The following PACRGL variants were observed in gnomAD, a reference collection of about 807,000 sequenced individuals.
PACRGL encodes parkin coregulated like.
PACRGL carries 38 observed loss-of-function variants against 34.5 expected under a neutral mutation model. That is an observed-to-expected ratio of 1.10 (90% CI 0.85 to 1.44). The LOEUF is 1.44. PACRGL is among the 40% of genes most tolerant of loss of function. PACRGL has a pLI of 0.00. For missense variants in PACRGL, 305 were observed against 281.4 expected, an observed-to-expected ratio of 1.08 and a Z score of -0.60; for synonymous variants, 128 against 100.1, an observed-to-expected ratio of 1.28 and a Z score of -1.66.
In PACRGL at chr4:20,704,603, G is replaced by A. The variant is rs771592819; in HGVS notation, c.53-57G>A. 5.6e-6 allele frequency: 9 copies of A among 1,613,056 alleles called. No individual in the cohort carries two copies. The Admixed American group carries it at 1.2e-4, about 21-fold the overall frequency. On this transcript the variant is annotated intron_variant, in intron 2 of 8. Transcript: ENST00000503585. ...GGCACTTTCTGTGCTACAGATGGAT[G>A]CAGGGTGAACTTTATTGCTTGTACC... is the stretch of plus-strand genomic sequence containing the variant.
chr4:20,717,018 T>C (rs1167460615), intron 7 of PACRGL, among the ~76,000 whole-genome samples: 14 of 152,188 alleles, frequency 9.2e-5, no homozygotes, highest in Admixed American at 5.2e-4. Context: ...TTTTTAATGA[T>C]TGCCATTCTA....
chr4:20,767,002 AT>A, the PACRGL span: 1 of 152,202 alleles, frequency 6.6e-6, no homozygotes, highest in African/African-American at 2.4e-5. Flanking sequence ...TACACATATT[AT>A]GCTATTATCC....
chr4:20,749,761 A>T (rs1229516609), intron 8 of PACRGL: 1 of 1,493,670 alleles, frequency 6.7e-7, no homozygotes, highest in Non-Finnish European at 9.3e-7. Flanking sequence ...AGTATCATTA[A>T]GTCAGTGTTT....
At chr4:20,738,957 GA>G (rs757262755) in intron 8 of PACRGL, among the ~76,000 whole-genome samples, 65 of 152,324 alleles carry the variant, frequency 4.3e-4, no homozygotes, top group Middle Eastern at 3.4e-3. Context: ...ACCTGGCTCA[GA>G]GTGGCCCACA....
chr4:20,763,084 C>G, the PACRGL span, among the ~76,000 whole-genome samples: 1 of 152,114 alleles, frequency 6.6e-6, no homozygotes, highest in African/African-American at 2.4e-5. Flanking sequence ...TCCACCTGCT[C>G]TCTCCCTTGA....
rs1385830553 is a variant in PACRGL at position 20,730,727 on chromosome 4, C to T, written c.*3386C>T. Reference sequence around the variant, plus strand: ...AGAGAAAGAATTGGGGAGCAGAAACCACTGCTCAGTGGCTGTGTTCAGTTT... The same window carrying T: ...AGAGAAAGAATTGGGGAGCAGAAACTACTGCTCAGTGGCTGTGTTCAGTTT... On this transcript the variant is annotated 3_prime_UTR_variant, in exon 9 of 9. Transcript: ENST00000503585. Among the ~76,000 whole-genome samples the T allele has an allele frequency of 6.6e-6, 1 of 152,112 alleles. No homozygotes were observed. Among genetic ancestry groups the T allele is most frequent in the African/African-American group, 2.4e-5 (1 of 41,432 alleles).
intron 8 of PACRGL, among the ~76,000 whole-genome samples, chr4:20,737,930 G>T (rs969859987): frequency 7.9e-5 from 12 of 152,194 alleles, no homozygotes; most frequent in Admixed American, 1.3e-4. Context: ...CCAAGAGTTT[G>T]CAAGCAGCCT....
At chr4:20,704,316 CATT>C (rs1733576891) in intron 1 of PACRGL, 147 bp from the exon 2 acceptor site, 1 of 623,150 alleles carries the variant, frequency 1.6e-6, no homozygotes. Flanking sequence ...CATGTTTTCT[CATT>C]AGTCTTTTCC....
intron 7 of PACRGL, among the ~76,000 whole-genome samples, chr4:20,722,253 C>T (rs971329022): frequency 1.3e-5 from 2 of 152,242 alleles, no homozygotes; most frequent in Non-Finnish European, 1.5e-5. Flanking sequence ...AAAGGGAATT[C>T]CCTGATCCCT....
Position 20,729,032 on chromosome 4 carries a change from C to T in PACRGL, c.*1691C>T, listed in dbSNP as rs1173439619. On this transcript the variant is annotated 3_prime_UTR_variant, in exon 9 of 9. Coordinates refer to ENST00000503585, the MANE Select transcript of PACRGL (RefSeq NM_001258345.3). ...AGTAGTTGTCAATGTAATGGAACCA[C>T]TGGTGCTTTCAAAGTGAATTTTGCT... is the stretch of plus-strand genomic sequence containing the variant. 1 of 152,136 alleles carries T rather than the reference C, an allele frequency of 6.6e-6. No homozygotes were observed. The highest frequency in any genetic ancestry group is 1.5e-5 in the Non-Finnish European group (1 of 68,030). The allele number at this position is 152,136 out of a possible 1,614,324, so 9.4% of individuals were successfully genotyped here.
intron 8 of PACRGL, among the ~76,000 whole-genome samples, chr4:20,739,458 G>C (rs545869302): frequency 1.3e-5 from 2 of 152,318 alleles, no homozygotes; most frequent in African/African-American, 4.8e-5. Context: ...AACAGGGTCT[G>C]GAGTGGACCT....
chr4:20,716,078 C>G lies in PACRGL; in HGVS notation c.609+2539C>G, dbSNP rs115364879. On this transcript the variant is annotated intron_variant, in intron 7 of 8. Transcript: ENST00000503585. ...AGAGACCTTTTCCTGATATGTATAA[C>G]TTTAATCTTTAATATAAATATTTAC... 642 of 1,516,094 alleles carry G rather than the reference C, an allele frequency of 4.2e-4. 4 individuals carry two copies. The African/African-American group carries it at 8.3e-3, about 20-fold the overall frequency. 93.9% of individuals were successfully genotyped at this position (1,516,094 alleles called of 1,614,324 possible).
At chr4:20,724,682 T>C (rs1744866290) in intron 7 of PACRGL, 126 bp from the exon 8 acceptor site, 1 of 437,976 alleles carries the variant, frequency 2.3e-6, no homozygotes, top group South Asian at 7.5e-5. Context: ...TAAATTTCAA[T>C]GAGATGCTTC....
intron 7 of PACRGL, among the ~76,000 whole-genome samples, chr4:20,715,930 G>C (rs920411945): frequency 7.9e-5 from 12 of 152,156 alleles, no homozygotes; most frequent in African/African-American, 2.9e-4. Context: ...TGCTCATGTT[G>C]ATTAACTATG....
chr4:20,704,588 G>C (rs1733700864), intron 2 of PACRGL, 55 bp downstream of exon 2: 1 of 1,613,082 alleles, frequency 6.2e-7, no homozygotes. Flanking sequence ...GGCACTTTCT[G>C]TGCTACAGAT....
At chr4:20,722,453 G>A (rs568016666) in intron 7 of PACRGL, among the ~76,000 whole-genome samples, 6 of 152,274 alleles carry the variant, frequency 3.9e-5, no homozygotes, top group South Asian at 4.1e-4. Flanking sequence ...CTTCCTATTC[G>A]GCCATCTTGG....
chr4:20,709,223 G>A lies in PACRGL; in HGVS notation c.276-460G>A, dbSNP rs1399149184. 2.0e-5 allele frequency among the ~76,000 whole-genome samples: 3 copies of A among 152,126 alleles called. No homozygotes were observed. In the East Asian group the frequency reaches 5.8e-4, roughly 29 times the overall value. ...CTAAATGGGCCATTTTACCTTCCTGGCCTCAGTTTTCTTCTCTTTAACAGA... is the reference window on the plus strand; with the variant it reads ...CTAAATGGGCCATTTTACCTTCCTGACCTCAGTTTTCTTCTCTTTAACAGA... On this transcript the variant is annotated intron_variant, in intron 4 of 8. Transcript: ENST00000503585.
intron 1 of PACRGL, among the ~76,000 whole-genome samples, chr4:20,703,532 C>T (rs1042084804): frequency 6.9e-6 from 1 of 145,724 alleles, no homozygotes; most frequent in African/African-American, 2.6e-5. Flanking sequence ...GTATTTCTTG[C>T]TAGAGATACA....
At chr4:20,700,130 A>G (rs1013560608), upstream of PACRGL, among the ~76,000 whole-genome samples, 9 of 152,156 alleles carry the variant, frequency 5.9e-5, no homozygotes, top group Admixed American at 2.0e-4. Flanking sequence ...CTGAGGAACA[A>G]TGAGTATTAA....
Sources: gnomAD v4.1 joint callset for allele counts (sites outside exome capture counted in the v4.1 genomes callset) on GRCh38, gnomAD v4.1.1 for gene constraint, MANE v1.5 for transcripts, NCBI Gene and HGNC (gene_info 2026-07-23, HGNC 2026-07-21) for gene names.